The following AGBL4 variants were observed in gnomAD, a reference collection of about 807,000 sequenced individuals.
AGBL4 encodes AGBL carboxypeptidase 4, also known as cytosolic carboxypeptidase 6.
Under a neutral mutation model 66.4 loss-of-function variants are expected in AGBL4, and 58 were observed. The ratio of observed to expected loss-of-function variants is 0.87; its 90% confidence interval spans 0.71 to 1.09. The LOEUF is 1.09. AGBL4 is among the 50% of genes least tolerant of loss of function. AGBL4 has a pLI of 0.00. For synonymous variants in AGBL4, 234 were observed against 222.9 expected (o/e 1.05, Z -0.44); for missense variants, 579 against 631.0 (o/e 0.92, Z 0.88).
chr1:48,683,030 A>G (rs1646478503), intron 6 of AGBL4, among the ~76,000 whole-genome samples: 3 of 152,216 alleles, frequency 2.0e-5, no homozygotes, highest in Non-Finnish European at 4.4e-5. Context: ...ATAGAACACT[A>G]AAAAGAACAG....
chr1:49,677,778 T>G (rs1349762189), intron 3 of AGBL4, among the ~76,000 whole-genome samples: 1 of 152,122 alleles, frequency 6.6e-6, no homozygotes, highest in Admixed American at 6.6e-5. Context: ...GGGGTCCTCA[T>G]GTTGGGATCA....
chr1:49,039,599 A>T (rs1664950241), intron 5 of AGBL4, among the ~76,000 whole-genome samples: 1 of 152,160 alleles, frequency 6.6e-6, no homozygotes, highest in Non-Finnish European at 1.5e-5. Flanking sequence ...AGTAAAGATT[A>T]GTCTTTTCAA....
intron 4 of AGBL4, among the ~76,000 whole-genome samples, chr1:49,175,997 A>G (rs1646823818): frequency 6.6e-6 from 1 of 152,170 alleles, no homozygotes; most frequent in African/African-American, 2.4e-5. Flanking sequence ...TTTCCTGCCC[A>G]TACAATTATA....
intron 3 of AGBL4, among the ~76,000 whole-genome samples, chr1:49,357,612 C>A (rs1032576222): frequency 6.6e-6 from 1 of 152,124 alleles, no homozygotes. Flanking sequence ...TCCTAGGAGG[C>A]AGGCATTATA....
chr1:49,551,429 G>T (rs1282683120), intron 3 of AGBL4, among the ~76,000 whole-genome samples: 2 of 152,208 alleles, frequency 1.3e-5, no homozygotes, highest in African/African-American at 4.8e-5. Flanking sequence ...GGTAGACTCT[G>T]TCAGAGGGAA....
At position 48,985,937 on chromosome 1, in the gene AGBL4, T is replaced by C. The variant is rs1376311822; in HGVS notation, c.594+59647A>G. ...ACAGTTATTATAGCTGTATTCCATA[T>C]GTTCCAAAAGTTAAGAAGAGACATG... On this transcript the variant is annotated intron_variant, in intron 5 of 13. Coordinates refer to ENST00000371839, the MANE Select transcript of AGBL4 (RefSeq NM_032785.4). Among the ~76,000 whole-genome samples the C allele has an allele frequency of 2.0e-5, 3 of 152,280 alleles. No individual in the cohort carries two copies. In the East Asian group the frequency reaches 5.8e-4, roughly 29 times the overall value.
At chr1:48,862,525 G>A (rs1415466097) in intron 6 of AGBL4, among the ~76,000 whole-genome samples, 2 of 152,040 alleles carry the variant, frequency 1.3e-5, no homozygotes, top group East Asian at 3.9e-4. Flanking sequence ...GCTTCACCGT[G>A]TTAGCCAGGA....
chr1:49,659,082 GAAATA>G (rs980830262), intron 3 of AGBL4, among the ~76,000 whole-genome samples: 4 of 151,948 alleles, frequency 2.6e-5, no homozygotes, highest in African/African-American at 9.7e-5. Flanking sequence ...AAACAAAGGA[GAAATA>G]AAATCTTTTT....
At chr1:49,919,782 A>T (rs575698787) in intron 1 of AGBL4, among the ~76,000 whole-genome samples, 1 of 152,138 alleles carries the variant, frequency 6.6e-6, no homozygotes, top group African/African-American at 2.4e-5. Flanking sequence ...CATTGCCAAG[A>T]CAATCCTAAG....
At chr1:49,010,409 G>A (rs1571223386) in intron 5 of AGBL4, among the ~76,000 whole-genome samples, 1 of 132,478 alleles carries the variant, frequency 7.5e-6, no homozygotes, top group Non-Finnish European at 1.6e-5. Context: ...AACATTCCAT[G>A]CTCATGGGTA....
downstream of AGBL4, among the ~76,000 whole-genome samples, chr1:48,530,189 G>A (rs1245283585): frequency 1.3e-5 from 2 of 152,020 alleles, no homozygotes; most frequent in Non-Finnish European, 2.9e-5. Flanking sequence ...CTAGCCACAT[G>A]GGTGTAAAAA....
chr1:49,300,677 T>C (rs886932784), intron 3 of AGBL4, among the ~76,000 whole-genome samples: 1 of 152,120 alleles, frequency 6.6e-6, no homozygotes, highest in African/African-American at 2.4e-5. Context: ...CAAATTCCGA[T>C]CTCTTTAACA....
In AGBL4 at chr1:49,093,242, A is replaced by G. The variant is rs145265447; in HGVS notation, c.378-47442T>C. 4.3e-3 allele frequency among the ~76,000 whole-genome samples: 656 copies of G among 152,274 alleles called. 5 individuals carry two copies. Among genetic ancestry groups the G allele is most frequent in the Admixed American group, 0.014 (211 of 15,294 alleles). ...TGATGAGGGGGCTCTAGTCTGCTTC[A>G]GTAACTGACCCAGAGACTTACTGCC... On this transcript the variant is annotated intron_variant, in intron 4 of 13. Coordinates refer to ENST00000371839, the MANE Select transcript of AGBL4 (RefSeq NM_032785.4).
intron 3 of AGBL4, among the ~76,000 whole-genome samples, chr1:49,499,227 C>A (rs977003130): frequency 2.0e-5 from 3 of 151,970 alleles, no homozygotes; most frequent in African/African-American, 7.2e-5. Flanking sequence ...CTTCAATCTC[C>A]TTTCTCAACA....
At chr1:49,965,616 A>C (rs1013215954) in intron 1 of AGBL4, among the ~76,000 whole-genome samples, 1 of 152,216 alleles carries the variant, frequency 6.6e-6, no homozygotes, top group Non-Finnish European at 1.5e-5. Flanking sequence ...CCATTTGGTT[A>C]CCAAGCCATC....
intron 3 of AGBL4, among the ~76,000 whole-genome samples, chr1:49,554,243 C>A (rs1427429641): frequency 2.0e-5 from 3 of 152,072 alleles, no homozygotes; most frequent in Non-Finnish European, 4.4e-5. Flanking sequence ...CACAATACTC[C>A]AACAGTGCTA....
intron 3 of AGBL4, among the ~76,000 whole-genome samples, chr1:49,549,352 T>C (rs1263100983): frequency 6.6e-6 from 1 of 152,218 alleles, no homozygotes; most frequent in East Asian, 1.9e-4. Context: ...ATTTCTCTAG[T>C]TCCTTGAGGT....
chr1:50,016,237 G>C (rs1440430071), intron 1 of AGBL4, among the ~76,000 whole-genome samples: 1 of 152,148 alleles, frequency 6.6e-6, no homozygotes, highest in Non-Finnish European at 1.5e-5. Context: ...ATTCAACTAA[G>C]GTCTAATATC....
At chr1:49,818,750 C>T (rs759399633) in intron 2 of AGBL4, among the ~76,000 whole-genome samples, 1 of 152,122 alleles carries the variant, frequency 6.6e-6, no homozygotes, top group Non-Finnish European at 1.5e-5. Flanking sequence ...AAACACAGCA[C>T]CAATTACCTG....
Sources: gnomAD v4.1 joint callset for allele counts (sites outside exome capture counted in the v4.1 genomes callset) on GRCh38, gnomAD v4.1.1 for gene constraint, MANE v1.5 for transcripts, NCBI Gene and HGNC (gene_info 2026-07-23, HGNC 2026-07-21) for gene names.